Variants in OR51E1 observed in about 807,000 individuals in gnomAD.
The protein encoded by OR51E1 is olfactory receptor 51E1.
OR51E1 carries 9 observed loss-of-function variants against 11.5 expected under a neutral mutation model. The observed-to-expected ratio is 0.78, with a 90% CI of 0.47 to 1.37. The LOEUF (loss-of-function observed/expected upper bound fraction) is 1.37, where lower values mean the gene tolerates loss of function less well. Among genes scored for constraint, OR51E1 ranks in the 40% most tolerant of loss-of-function variants. The probability of loss-of-function intolerance (pLI) is 0.00; values close to 1 mark genes in which losing one functional copy is unlikely to be tolerated. For missense variants in OR51E1, 397 were observed against 410.2 expected, an observed-to-expected ratio of 0.97 and a Z score of 0.28; for synonymous variants, 168 against 158.3, an observed-to-expected ratio of 1.06 and a Z score of -0.46.
At chr11:4,647,333 G>C (rs1001922915) in intron 1 of OR51E1, among the ~76,000 whole-genome samples, 1 of 152,180 alleles carries the variant, frequency 6.6e-6, no homozygotes, top group Non-Finnish European at 1.5e-5. Context: ...ATCTCACTAA[G>C]TTCTAATTAC....
In OR51E1 at chr11:4,652,741, T is replaced by C. The variant is rs967500922; in HGVS notation, c.215T>C (p.Ile72Thr). ...ATATTTCTTTGCATGCTTTCAGGCA[T>C]TGACATCCTCATCTCCACCTCATCC... The part of the protein sequence containing the change: ...MYIFLCMLSG[I>T]DILISTSSMP... Residue 72 changes from isoleucine (I) to threonine (T), a missense_variant, in exon 2 of 2, where the codon ATT becomes ACT. Transcript: ENST00000396952. 8 of 1,614,166 alleles carry C rather than the reference T, an allele frequency of 5.0e-6. No homozygotes were observed. The highest frequency in any genetic ancestry group is 1.3e-5 in the African/African-American group (1 of 75,058).
intron 1 of OR51E1, among the ~76,000 whole-genome samples, chr11:4,648,551 A>T (rs1422182961): frequency 2.0e-5 from 3 of 152,176 alleles, no homozygotes; most frequent in Non-Finnish European, 4.4e-5. Flanking sequence ...AAGCCCCAGG[A>T]TTCTGCTCAC....
At chr11:4,650,733 G>A (rs150424609) in intron 1 of OR51E1, among the ~76,000 whole-genome samples, 2 of 152,130 alleles carry the variant, frequency 1.3e-5, no homozygotes, top group East Asian at 3.9e-4. Flanking sequence ...ACATTCAAGG[G>A]CCAAATCTAT....
At chr11:4,651,255 T>C (rs1052311216) in intron 1 of OR51E1, among the ~76,000 whole-genome samples, 2 of 152,206 alleles carry the variant, frequency 1.3e-5, no homozygotes, top group Non-Finnish European at 2.9e-5. Context: ...TGTATCAATC[T>C]CACTTTCTTA....
rs748959294 is a variant in OR51E1 at position 4,653,316 on chromosome 11, C to A, written c.790C>A (p.His264Asn). Residue 264 changes from histidine to asparagine, a missense_variant, in exon 2 of 2, where the codon CAT (histidine) becomes AAT (asparagine). His to Asn is a moderately conservative substitution (Grantham distance 68). Transcript: ENST00000396952. ...YVPFIGLSMV[H>N]RFSKRRDSPL... ...ACCTTTCATTGGATTGTCCATGGTG[C>A]ATCGCTTTAGCAAGCGGCGTGACTC... 1.6e-5 allele frequency: 26 copies of A among 1,614,052 alleles called. No individual in the cohort carries two copies. The highest frequency in any genetic ancestry group is 2.2e-5 in the Non-Finnish European group (26 of 1,180,010).
At chr11:4,644,936 C>T (rs1286078426) in intron 1 of OR51E1, among the ~76,000 whole-genome samples, 1 of 152,108 alleles carries the variant, frequency 6.6e-6, no homozygotes, top group Non-Finnish European at 1.5e-5. Flanking sequence ...TTCCATGAAT[C>T]CCCCAATATC....
At position 4,653,702 on chromosome 11, in the gene OR51E1, G is replaced by T. The variant is rs753053460; in HGVS notation, c.*219G>T. 18 of 482,998 alleles carry T rather than the reference G, an allele frequency of 3.7e-5. No homozygotes were observed. The highest frequency in any genetic ancestry group is 5.7e-5 in the Non-Finnish European group (15 of 265,090). The allele number at this position is 482,998 out of a possible 1,614,324, so 29.9% of individuals were successfully genotyped here. A position where few individuals can be genotyped will look rare whatever the true frequency, so the allele number is the denominator to read the frequency against. On this transcript the variant is annotated 3_prime_UTR_variant, in exon 2 of 2. Coordinates refer to ENST00000396952, the MANE Select transcript of OR51E1 (RefSeq NM_152430.4). ...TTATTAATACCCTGACTAGGTTGTG[G>T]TTGGAGGGTTATTACTTTTCATTTT...
chr11:4,653,078 C>T lies in OR51E1; in HGVS notation c.552C>T (p.His184=). ...TCCTTTCCCATTCCTACTGCCTACA[C>T]CAAGATGTCATGAAGCTGGCCTGTG... ...SNILSHSYCL[H]QDVMKLACDD... is the part of the protein sequence containing the mutation. Residue 184 remains histidine (H), a synonymous_variant, in exon 2 of 2, where the codon CAC becomes CAT. Transcript: ENST00000396952. 6.2e-7 allele frequency: 1 copy of T among 1,614,086 alleles called. No individual in the cohort carries two copies. Among genetic ancestry groups the T allele is most frequent in the Non-Finnish European group, 8.5e-7 (1 of 1,179,946 alleles).
chr11:4,646,685 G>C (rs74052482), intron 1 of OR51E1, among the ~76,000 whole-genome samples: 1 of 152,210 alleles, frequency 6.6e-6, no homozygotes, highest in African/African-American at 2.4e-5. Context: ...AGTGTCCCAA[G>C]TTCCAGTGCA....
Position 4,655,153 on chromosome 11 carries a change from C to T in OR51E1, c.*1670C>T, listed in dbSNP as rs959452180. 1.8e-5 allele frequency: 3 copies of T among 167,100 alleles called. No individual in the cohort carries two copies. The highest frequency in any genetic ancestry group is 7.2e-5 in the African/African-American group (3 of 41,448). The allele number at this position is 167,100 out of a possible 1,614,324, so 10.4% of individuals were successfully genotyped here. Reference sequence around the variant, plus strand: ...TTGACACCGGTTATTTTTCATCAAACCTGATTCCTTCTGTCCTGAACACAT... The same window carrying T: ...TTGACACCGGTTATTTTTCATCAAATCTGATTCCTTCTGTCCTGAACACAT... On this transcript the variant is annotated 3_prime_UTR_variant, in exon 2 of 2. Transcript: ENST00000396952.
intron 1 of OR51E1, among the ~76,000 whole-genome samples, chr11:4,645,493 T>A (rs1847020532): frequency 1.3e-5 from 2 of 152,156 alleles, no homozygotes; most frequent in Non-Finnish European, 2.9e-5. Context: ...TGGCTGCATA[T>A]TTGTCTCAAT....
At chr11:4,651,793 A>C (rs1847102019) in intron 1 of OR51E1, among the ~76,000 whole-genome samples, 1 of 152,228 alleles carries the variant, frequency 6.6e-6, no homozygotes, top group Admixed American at 6.5e-5. Context: ...TCATTTGGAC[A>C]AGAAGGTAAT....
At position 4,652,807 on chromosome 11, in the gene OR51E1, C is replaced by T. The variant is rs746497055; in HGVS notation, c.281C>T (p.Thr94Ile). 1 of 1,614,092 alleles carries T rather than the reference C, an allele frequency of 6.2e-7. No homozygotes were observed. Among genetic ancestry groups the T allele is most frequent in the African/African-American group, 1.3e-5 (1 of 74,926 alleles). The stretch of plus-strand genomic sequence containing the variant: ...GCCATCTTCTGGTTCAATTCCACTA[C>T]CATCCAGTTTGATGCTTGTCTGCTA... ...MLAIFWFNST[T>I]IQFDACLLQM... Residue 94 changes from threonine (T) to isoleucine (I), a missense_variant, in exon 2 of 2, where the codon ACC becomes ATC. Transcript: ENST00000396952.
At position 4,653,461 on chromosome 11, in the gene OR51E1, C is replaced by T; in HGVS notation, c.935C>T (p.Ala312Val). 9 of 1,609,868 alleles carry T rather than the reference C, an allele frequency of 5.6e-6. No homozygotes were observed. Among genetic ancestry groups the T allele is most frequent in the Non-Finnish European group, 7.7e-6 (9 of 1,176,368 alleles). ...RQRILRLFHV[A>V]THASEP is the part of the protein sequence containing the mutation. ...CGCATCCTTCGACTTTTCCATGTGG[C>T]CACACACGCTTCAGAGCCCTAGGTG... The change falls in exon 2 of 2, where the codon GCC (alanine) becomes GTC (valine). Residue 312 changes from alanine (A) to valine (V), a missense_variant. Physicochemically the swap from Ala to Val is moderately conservative, Grantham distance 64. Coordinates refer to ENST00000396952, the MANE Select transcript of OR51E1 (RefSeq NM_152430.4).
chr11:4,652,770 C>G lies in OR51E1; in HGVS notation c.244C>G (p.Pro82Ala). ...CATCCTCATCTCCACCTCATCCATG[C>G]CCAAAATGCTGGCCATCTTCTGGTT... ...IDILISTSSM[P>A]KMLAIFWFNS... Residue 82 changes from proline (P) to alanine (A), a missense_variant, in exon 2 of 2, where the codon CCC becomes GCC. By Grantham distance (27) the Pro-to-Ala change is conservative. Transcript: ENST00000396952. 2 of 1,614,146 alleles carry G rather than the reference C, an allele frequency of 1.2e-6. No homozygotes were observed. Among genetic ancestry groups the G allele is most frequent in the Admixed American group, 3.3e-5 (2 of 60,024 alleles).
chr11:4,650,209 G>A (rs1344726752), intron 1 of OR51E1, among the ~76,000 whole-genome samples: 2 of 152,118 alleles, frequency 1.3e-5, no homozygotes, highest in Non-Finnish European at 2.9e-5. Flanking sequence ...TTTACTGAAG[G>A]GGATGAGATG....
chr11:4,648,114 C>T (rs1453439831), intron 1 of OR51E1, among the ~76,000 whole-genome samples: 1 of 152,216 alleles, frequency 6.6e-6, no homozygotes, highest in Non-Finnish European at 1.5e-5. Flanking sequence ...CATTTCTCTC[C>T]TGCTGTAGTC....
At position 4,654,514 on chromosome 11, in the gene OR51E1, G is replaced by T. The variant is rs1847144318; in HGVS notation, c.*1031G>T. 2 of 167,028 alleles carry T rather than the reference G, an allele frequency of 1.2e-5. No homozygotes were observed. The highest frequency in any genetic ancestry group is 2.4e-5 in the African/African-American group (1 of 41,452). 10.3% of individuals were successfully genotyped at this position (167,028 alleles called of 1,614,324 possible). A position where few individuals can be genotyped will look rare whatever the true frequency, so the allele number is the denominator to read the frequency against. Reference sequence around the variant, plus strand: ...TTCTTATTCAGAAAGTCTGCATAGGGCTTATAGCAAGTTATTTATTTTTAA... The same window carrying T: ...TTCTTATTCAGAAAGTCTGCATAGGTCTTATAGCAAGTTATTTATTTTTAA... On this transcript the variant is annotated 3_prime_UTR_variant, in exon 2 of 2. Coordinates refer to ENST00000396952, the MANE Select transcript of OR51E1 (RefSeq NM_152430.4).
intron 1 of OR51E1, among the ~76,000 whole-genome samples, chr11:4,650,323 C>T (rs1427340239): frequency 2.0e-5 from 3 of 152,130 alleles, no homozygotes; most frequent in Non-Finnish European, 4.4e-5. Context: ...TAGAGAGAGC[C>T]GAGGAACAGC....
Sources: gnomAD v4.1 joint callset for allele counts (sites outside exome capture counted in the v4.1 genomes callset) on GRCh38, gnomAD v4.1.1 for gene constraint, MANE v1.5 for transcripts, NCBI Gene and HGNC (gene_info 2026-07-23, HGNC 2026-07-21) for gene names.